Variants in PCDH11X observed in about 807,000 individuals in gnomAD.
PCDH11X encodes the protein protocadherin 11 X-linked.
Under a neutral mutation model 53.3 loss-of-function variants are expected in PCDH11X, and 18 were observed. The ratio of observed to expected loss-of-function variants is 0.34; its 90% CI spans 0.23 to 0.50. The LOEUF (loss-of-function observed/expected upper bound fraction) is 0.50. PCDH11X is among the 20% of genes least tolerant of loss of function. The pLI is 0.98. For missense variants in PCDH11X, 570 were observed against 1,032.4 expected, an observed-to-expected ratio of 0.55 and a Z score of 6.14; for synonymous variants, 279 against 393.3, an observed-to-expected ratio of 0.71 and a Z score of 3.44.
chrX:92,420,619 C>T, intron 9 of PCDH11X: 1 of 275,144 alleles, frequency 3.6e-6, no homozygotes, highest in Non-Finnish European at 6.9e-6. Flanking sequence ...TTTAAGATAC[C>T]ATCTCACTAT....
At chrX:92,289,323 C>T (rs1312787523) in intron 8 of PCDH11X, among the ~76,000 whole-genome samples, 3 of 110,450 alleles carry the variant, frequency 2.7e-5, no homozygotes, top group Admixed American at 1.9e-4. Context: ...TACAGCACAC[C>T]GAGGTTGAAT....
intron 10 of PCDH11X, among the ~76,000 whole-genome samples, chrX:92,510,260 C>T (rs773907324): frequency 1.0e-5 from 1 of 97,186 alleles, no homozygotes; most frequent in Non-Finnish European, 2.1e-5. Flanking sequence ...TAATCTGACA[C>T]TGTATTTCAT....
At chrX:92,581,221 A>T (rs1208873230) in intron 10 of PCDH11X, among the ~76,000 whole-genome samples, 2 of 112,014 alleles carry the variant, frequency 1.8e-5, no homozygotes, top group African/African-American at 6.5e-5. Flanking sequence ...ACTATATCCC[A>T]AAACTATAGA....
At chrX:92,202,056 G>A (rs1365868169) in intron 7 of PCDH11X, among the ~76,000 whole-genome samples, 2 of 111,185 alleles carry the variant, frequency 1.8e-5, no homozygotes, top group African/African-American at 6.5e-5. Context: ...CTTGGTAGAG[G>A]GCCAAGTGGG....
chrX:92,043,254 A>C (rs995049987), intron 6 of PCDH11X, among the ~76,000 whole-genome samples: 6 of 105,826 alleles, frequency 5.7e-5, no homozygotes, highest in Non-Finnish European at 1.1e-4. Flanking sequence ...TTCAGTTGAA[A>C]TTACATTGTA....
intron 9 of PCDH11X, among the ~76,000 whole-genome samples, chrX:92,417,077 C>A (rs2148610005): frequency 9.0e-6 from 1 of 110,744 alleles, no homozygotes; most frequent in Admixed American, 9.6e-5. Context: ...TTGTGGTCCT[C>A]CCCTGAATGA....
intron 10 of PCDH11X, among the ~76,000 whole-genome samples, chrX:92,526,140 T>A (rs1335114647): frequency 9.0e-6 from 1 of 111,544 alleles, no homozygotes; most frequent in Non-Finnish European, 1.9e-5. Context: ...CTTTAGCATT[T>A]TTTTTCTTTT....
At position 92,353,590 on chromosome X, in the gene PCDH11X, C is replaced by A. The variant is rs191316024; in HGVS notation, c.3145-34145C>A. Among the ~76,000 whole-genome samples the A allele has an allele frequency of 4.5e-5, 5 of 110,498 alleles. No individual in the cohort carries two copies. The South Asian group carries it at 1.9e-3, about 42-fold the overall frequency. Reference sequence around the variant, plus strand: ...ATTCAGGAATGACTCAGAGTAGGTTCGACTAATGCATGACGTCTTTTAATT... The same window carrying A: ...ATTCAGGAATGACTCAGAGTAGGTTAGACTAATGCATGACGTCTTTTAATT... On this transcript the variant is annotated intron_variant, in intron 8 of 10. Transcript: ENST00000682573.
chrX:92,064,863 T>A (rs1274391994), intron 6 of PCDH11X, among the ~76,000 whole-genome samples: 2 of 101,788 alleles, frequency 2.0e-5, no homozygotes, highest in Non-Finnish European at 3.9e-5. Context: ...GCGGGTAGCT[T>A]CTCATTTAGT....
At chrX:92,584,780 CT>C (rs1215068558) in intron 10 of PCDH11X, among the ~76,000 whole-genome samples, 3 of 72,596 alleles carry the variant, frequency 4.1e-5, no homozygotes, top group African/African-American at 6.3e-5. Context: ...GCATTATTCT[CT>C]TTTTTTCCTT....
chrX:91,828,822 C>G (rs1324169473), intron 4 of PCDH11X, among the ~76,000 whole-genome samples: 1 of 111,560 alleles, frequency 9.0e-6, no homozygotes, highest in Non-Finnish European at 1.9e-5. Flanking sequence ...AGTCATTTCT[C>G]TGTTCCTTGG....
intron 10 of PCDH11X, among the ~76,000 whole-genome samples, chrX:92,564,715 T>C (rs770831413): frequency 9.9e-5 from 11 of 111,652 alleles, no homozygotes; most frequent in African/African-American, 3.6e-4. Flanking sequence ...TGTGCAGAAA[T>C]TTCTTAAGTA....
intron 8 of PCDH11X, among the ~76,000 whole-genome samples, chrX:92,273,251 A>T (rs1370088748): frequency 9.1e-6 from 1 of 109,951 alleles, no homozygotes; most frequent in Non-Finnish European, 1.9e-5. Flanking sequence ...AATTACAGTC[A>T]AAGGGGGTTG....
intron 10 of PCDH11X, among the ~76,000 whole-genome samples, chrX:92,561,224 CT>C (rs772423523): frequency 1.9e-5 from 2 of 107,840 alleles, no homozygotes; most frequent in African/African-American, 3.4e-5. Context: ...AAATACCTGA[CT>C]ATTCAATGCT....
chrX:91,791,857 A>ATTTT (rs755996100), intron 1 of PCDH11X, among the ~76,000 whole-genome samples: 2 of 83,181 alleles, frequency 2.4e-5, no homozygotes, highest in Non-Finnish European at 4.5e-5. Context: ...CGATCAGTAC[A>ATTTT]TTTTTTTTTT....
At chrX:92,218,795 C>T (rs1228402808) in intron 7 of PCDH11X, among the ~76,000 whole-genome samples, 1 of 111,579 alleles carries the variant, frequency 9.0e-6, no homozygotes, top group African/African-American at 3.3e-5. Context: ...GCAAAAATCT[C>T]AATAAAATAC....
chrX:92,139,347 C>T (rs2065140315), intron 6 of PCDH11X, among the ~76,000 whole-genome samples: 1 of 99,456 alleles, frequency 1.0e-5, no homozygotes, highest in African/African-American at 3.8e-5. Flanking sequence ...ATGATCTCAG[C>T]TCACTGCAAC....
intron 10 of PCDH11X, among the ~76,000 whole-genome samples, chrX:92,517,430 C>T (rs952153922): frequency 5.4e-5 from 6 of 111,778 alleles, no homozygotes; most frequent in African/African-American, 1.9e-4. Flanking sequence ...CTTTCCATAG[C>T]CTTCGTGCTA....
At chrX:92,237,449 C>T (rs1272671339) in intron 7 of PCDH11X, among the ~76,000 whole-genome samples, 1 of 110,687 alleles carries the variant, frequency 9.0e-6, no homozygotes, top group East Asian at 2.8e-4. Context: ...GGGACAGTAA[C>T]ATTTCCAAAT....
Sources: allele counts gnomAD v4.1 joint callset (sites outside exome capture counted in the v4.1 genomes callset), GRCh38; gene constraint gnomAD v4.1.1; transcripts MANE v1.5; gene names NCBI Gene and HGNC (gene_info 2026-07-23, HGNC 2026-07-21).